The following ZFHX3 variants were observed in gnomAD, a reference collection of about 807,000 sequenced individuals.
The protein encoded by ZFHX3 is zinc finger homeobox protein 3.
Under a neutral mutation model 279.1 loss-of-function variants are expected in ZFHX3, and 42 were observed. The ratio of observed to expected loss-of-function variants is 0.15; its 90% CI spans 0.12 to 0.19. ZFHX3 has a LOEUF of 0.19. Ranked by LOEUF, ZFHX3 falls within the 10% of genes least tolerant of loss-of-function variation. ZFHX3 has a pLI of 1.00. For missense variants in ZFHX3, 4,981 were observed against 4,754.0 expected (o/e 1.05, Z -1.40); for synonymous variants, 2,293 against 1,957.8 (o/e 1.17, Z -4.52).
At chr16:73,140,656 G>T (rs1966845233) in intron 6 of ZFHX3, among the ~76,000 whole-genome samples, 1 of 152,198 alleles carries the variant, frequency 6.6e-6, no homozygotes, top group South Asian at 2.1e-4. Context: ...AGGAGTTCAA[G>T]ACCAGCCTGG....
chr16:73,536,411 G>C (rs112508047), intron 2 of ZFHX3, among the ~76,000 whole-genome samples: 4 of 152,170 alleles, frequency 2.6e-5, no homozygotes, highest in Non-Finnish European at 5.9e-5. Flanking sequence ...TACCCAAAAA[G>C]TCATCATTCG....
chr16:72,788,483 G>A lies in ZFHX3; in HGVS notation c.9793C>T (p.Pro3265Ser), dbSNP rs750599840. Reference protein sequence around the residue: ...PVPKKEKGEAPTATAATISAP... With the variant: ...PVPKKEKGEASTATAATISAP... ...GAGATCGTGGCTGCAGTTGCCGTGGGGGCCTCTCCTTTCTCCTTCTTGGGG... is the reference window on the plus strand; with the variant it reads ...GAGATCGTGGCTGCAGTTGCCGTGGAGGCCTCTCCTTTCTCCTTCTTGGGG... The change falls in exon 10 of 10, where the codon CCC becomes TCC. Residue 3265 changes from proline to serine, a missense_variant. Coordinates refer to ENST00000268489, the MANE Select transcript of ZFHX3 (RefSeq NM_006885.4). The A allele has an allele frequency of 1.9e-6, 3 of 1,614,070 alleles. No homozygotes were observed. In the African/African-American group the frequency reaches 4.0e-5, roughly 22 times the overall value.
intron 1 of ZFHX3, among the ~76,000 whole-genome samples, chr16:73,842,025 A>T (rs994290715): frequency 6.7e-6 from 1 of 149,002 alleles, no homozygotes; most frequent in Non-Finnish European, 1.5e-5. Flanking sequence ...GACCAGCCTG[A>T]CCAACATGGT....
chr16:72,883,171 T>C (rs768695169), intron 4 of ZFHX3, among the ~76,000 whole-genome samples: 13 of 152,128 alleles, frequency 8.5e-5, no homozygotes, highest in Non-Finnish European at 1.6e-4. Flanking sequence ...CACTGACCTT[T>C]GCAGATTGTT....
At chr16:73,853,115 A>G (rs1267000336) in intron 1 of ZFHX3, among the ~76,000 whole-genome samples, 1 of 152,190 alleles carries the variant, frequency 6.6e-6, no homozygotes, top group Non-Finnish European at 1.5e-5. Context: ...GCAAATTAAG[A>G]CCACAATGAG....
At chr16:73,285,617 C>A (rs902275932) in intron 4 of ZFHX3, among the ~76,000 whole-genome samples, 2 of 152,180 alleles carry the variant, frequency 1.3e-5, no homozygotes, top group South Asian at 2.1e-4. Flanking sequence ...CCATGAAATG[C>A]ATATTTTTTG....
chr16:73,883,338 T>C (rs2030234498), intron 1 of ZFHX3, among the ~76,000 whole-genome samples: 1 of 152,156 alleles, frequency 6.6e-6, no homozygotes, highest in African/African-American at 2.4e-5. Context: ...CTCTGTGTAT[T>C]CTGTTACTCC....
At chr16:73,259,176 T>C (rs2013746118) in intron 4 of ZFHX3, among the ~76,000 whole-genome samples, 1 of 152,218 alleles carries the variant, frequency 6.6e-6, no homozygotes, top group Non-Finnish European at 1.5e-5. Context: ...TACACACGTG[T>C]GAGCGTTTCC....
intron 3 of ZFHX3, among the ~76,000 whole-genome samples, chr16:73,352,912 G>T (rs80288944): frequency 1.3e-5 from 2 of 152,146 alleles, no homozygotes; most frequent in East Asian, 3.9e-4. Context: ...AAACTGGCTT[G>T]GTTCAGGGCT....
intron 2 of ZFHX3, among the ~76,000 whole-genome samples, chr16:73,648,127 T>C (rs1258112727): frequency 6.6e-6 from 1 of 152,364 alleles, no homozygotes; most frequent in East Asian, 1.9e-4. Flanking sequence ...TATGATACAC[T>C]TATTTCCCCT....
intron 1 of ZFHX3, among the ~76,000 whole-genome samples, chr16:72,998,715 C>T (rs1364304971): frequency 6.6e-6 from 1 of 152,202 alleles, no homozygotes; most frequent in African/African-American, 2.4e-5. Context: ...ATAATTCATG[C>T]TTGTAGTTCT....
chr16:73,105,320 CAT>C (rs1457575690), intron 7 of ZFHX3, among the ~76,000 whole-genome samples: 6 of 133,762 alleles, frequency 4.5e-5, no homozygotes, highest in South Asian at 2.8e-4. Context: ...TATACACACA[CAT>C]ACACACACAC....
At chr16:73,313,168 G>A (rs937224576) in intron 4 of ZFHX3, among the ~76,000 whole-genome samples, 2 of 152,108 alleles carry the variant, frequency 1.3e-5, no homozygotes, top group Admixed American at 6.5e-5. Context: ...CTCCTGCTCC[G>A]CCATATTAAG....
intron 7 of ZFHX3, among the ~76,000 whole-genome samples, chr16:73,112,160 G>C (rs1260877099): frequency 6.6e-6 from 1 of 151,990 alleles, no homozygotes; most frequent in Non-Finnish European, 1.5e-5. Flanking sequence ...CTCTGCTCCT[G>C]TCTGCCCATG....
At chr16:73,314,350 A>C (rs950294919) in intron 4 of ZFHX3, among the ~76,000 whole-genome samples, 2 of 152,142 alleles carry the variant, frequency 1.3e-5, no homozygotes, top group African/African-American at 2.4e-5. Context: ...GTTCCTTACG[A>C]TAATTCTCCT....
chr16:72,996,382 T>C (rs150636338), intron 1 of ZFHX3, among the ~76,000 whole-genome samples: 9 of 152,364 alleles, frequency 5.9e-5, no homozygotes, highest in African/African-American at 2.2e-4. Context: ...CAACTAAGCA[T>C]GATTTTCTTA....
intron 2 of ZFHX3, among the ~76,000 whole-genome samples, chr16:73,469,934 TG>T (rs1157511491): frequency 6.6e-6 from 1 of 152,118 alleles, no homozygotes; most frequent in Non-Finnish European, 1.5e-5. Context: ...TTTATTTTAT[TG>T]GTCTGGGGTG....
At chr16:73,044,281 C>A (rs755845161) in intron 1 of ZFHX3, among the ~76,000 whole-genome samples, 1 of 152,166 alleles carries the variant, frequency 6.6e-6, no homozygotes, top group Non-Finnish European at 1.5e-5. Flanking sequence ...AATCTGCCTT[C>A]CTGTTGTGTT....
At chr16:73,811,371 A>T (rs1007463707) in intron 1 of ZFHX3, among the ~76,000 whole-genome samples, 1 of 151,824 alleles carries the variant, frequency 6.6e-6, no homozygotes, top group Non-Finnish European at 1.5e-5. Flanking sequence ...CCCAGGGCAC[A>T]TCAGTGCCAT....
Sources: allele counts gnomAD v4.1 joint callset (sites outside exome capture counted in the v4.1 genomes callset), GRCh38; gene constraint gnomAD v4.1.1; transcripts MANE v1.5; gene names NCBI Gene and HGNC (gene_info 2026-07-23, HGNC 2026-07-21).